Variants in RORC observed in about 807,000 individuals in gnomAD.
The protein encoded by RORC is RAR related orphan receptor C, also known as nuclear receptor ROR-gamma.
In RORC, 13 loss-of-function variants were observed where a neutral mutation model predicts 64.5. That is an observed-to-expected ratio of 0.20 (90% CI 0.13 to 0.32). RORC has a LOEUF of 0.32. Ranked by LOEUF, RORC falls within the 10% of genes least tolerant of loss-of-function variation. The pLI, the probability that RORC is intolerant of heterozygous loss-of-function variation, is 1.00. For synonymous variants in RORC, 277 were observed against 259.3 expected, an observed-to-expected ratio of 1.07 and a Z score of -0.65; for missense variants, 468 against 669.5, an observed-to-expected ratio of 0.70 and a Z score of 3.32.
rs534272562 is a variant in RORC at position 151,808,710 on chromosome 1, A to C, written c.1396-1077T>G. Among the ~76,000 whole-genome samples, 7 of 152,326 alleles carry C rather than the reference A, an allele frequency of 4.6e-5. No individual in the cohort carries two copies. The South Asian group carries it at 1.4e-3, about 32-fold the overall frequency. ...CAGATATATCAGTCAATAAAGTATA[A>C]TCTGTACCTTGATTAAATTTACATT... is the stretch of plus-strand genomic sequence containing the variant. On this transcript the variant is annotated intron_variant, in intron 10 of 10. Coordinates refer to ENST00000318247, the MANE Select transcript of RORC (RefSeq NM_005060.4).
intron 2 of RORC, among the ~76,000 whole-genome samples, chr1:151,826,866 C>T (rs1572047229): frequency 6.6e-6 from 1 of 152,162 alleles, no homozygotes; most frequent in Non-Finnish European, 1.5e-5. Flanking sequence ...GCCTGTAATC[C>T]CAGCACTTTG....
Position 151,815,325 on chromosome 1 carries a change from C to G in RORC, c.399G>C (p.Val133=). Residue 133 remains valine (V), a synonymous_variant, in exon 5 of 11, where the codon GTG becomes GTC. Transcript: ENST00000318247. The stretch of plus-strand genomic sequence containing the variant: ...GGGCCCCTGCTGGAGGGGTCTTGAC[C>G]ACTGGTTCCTGTTGCTGCTGTTGCC... ...QQRQQQQQEP[V]VKTPPAGAQG... is the part of the protein sequence containing the mutation. The G allele has an allele frequency of 6.2e-7, 1 of 1,602,858 alleles. No individual in the cohort carries two copies. Among genetic ancestry groups the G allele is most frequent in the African/African-American group, 1.3e-5 (1 of 74,586 alleles).
In RORC at chr1:151,807,677, C is replaced by A; in HGVS notation, c.1396-44G>T. The stretch of plus-strand genomic sequence containing the variant: ...GGAAGGGAGGGTCAATACTTCAGCT[C>A]TCCTCAGAGCAAAGAAGTCCGCTCA... On this transcript the variant is annotated intron_variant, in intron 10 of 10. Transcript: ENST00000318247. This position sits in a 1 kb window ranked among gnomAD's most constrained non-coding sequence, Gnocchi z 5.0. 6.2e-7 allele frequency: 1 copy of A among 1,600,010 alleles called. No homozygotes were observed. The highest frequency in any genetic ancestry group is 1.1e-5 in the South Asian group (1 of 89,910).
intron 3 of RORC, 114 bp from the exon 4 acceptor site, chr1:151,816,919 T>A (rs1182231403): frequency 1.7e-6 from 2 of 1,145,690 alleles, no homozygotes; most frequent in African/African-American, 1.6e-5. Context: ...GACCTGTCAG[T>A]TTTCTCTCTC....
chr1:151,829,051 G>T (rs914989860), intron 2 of RORC, among the ~76,000 whole-genome samples: 1 of 151,130 alleles, frequency 6.6e-6, no homozygotes, highest in Non-Finnish European at 1.5e-5. Context: ...CTGAGTTCCT[G>T]AGGCCACCCC....
chr1:151,809,533 G>C (rs1434544580), intron 10 of RORC, among the ~76,000 whole-genome samples: 1 of 152,294 alleles, frequency 6.6e-6, no homozygotes, highest in East Asian at 1.9e-4. Context: ...GATGAGGGTG[G>C]AACAGGGGCT....
intron 2 of RORC, among the ~76,000 whole-genome samples, chr1:151,824,356 C>G (rs1652109977): frequency 6.6e-6 from 1 of 152,176 alleles, no homozygotes; most frequent in Admixed American, 6.5e-5. Flanking sequence ...TCAGCCCCTC[C>G]TGGGGACTCC....
intron 2 of RORC, among the ~76,000 whole-genome samples, chr1:151,822,622 GC>G (rs1238270170): frequency 6.6e-6 from 1 of 152,192 alleles, no homozygotes; most frequent in African/African-American, 2.4e-5. Flanking sequence ...GGAAGCTCTG[GC>G]GAGTGGGAGC....
intron 2 of RORC, among the ~76,000 whole-genome samples, chr1:151,817,711 G>A (rs910124937): frequency 6.6e-6 from 1 of 152,260 alleles, no homozygotes; most frequent in Non-Finnish European, 1.5e-5. Flanking sequence ...GCTCCCATGG[G>A]CAAAGTGTAG....
At chr1:151,831,366 G>A (rs1002835673) in intron 1 of RORC, among the ~76,000 whole-genome samples, 2 of 152,102 alleles carry the variant, frequency 1.3e-5, no homozygotes, top group African/African-American at 4.8e-5. Context: ...GTGCCTCCTG[G>A]GGGGTAAGCC....
intron 10 of RORC, among the ~76,000 whole-genome samples, chr1:151,809,136 C>T (rs751366262): frequency 6.6e-6 from 1 of 152,082 alleles, no homozygotes; most frequent in Non-Finnish European, 1.5e-5. Context: ...TGGTGGTTCA[C>T]GCCTGTAATC....
intron 2 of RORC, chr1:151,825,891 T>C: frequency 6.2e-7 from 1 of 1,612,632 alleles, no homozygotes; most frequent in Non-Finnish European, 8.5e-7. Context: ...GACGACAGGG[T>C]CCAGGCTCCC....
chr1:151,827,131 A>T (rs1652225361), intron 2 of RORC, among the ~76,000 whole-genome samples: 1 of 152,230 alleles, frequency 6.6e-6, no homozygotes. Context: ...AAGAAAAAAT[A>T]AAAAAACTTT....
chr1:151,812,551 G>A (rs1651582927), intron 9 of RORC: 1 of 176,376 alleles, frequency 5.7e-6, no homozygotes, highest in African/African-American at 2.4e-5. Flanking sequence ...CCCATCATAA[G>A]TCATGGAGCA....
At chr1:151,822,120 C>A (rs1304239382) in intron 2 of RORC, among the ~76,000 whole-genome samples, 1 of 152,042 alleles carries the variant, frequency 6.6e-6, no homozygotes, top group Non-Finnish European at 1.5e-5. Flanking sequence ...AGCTTGAGCT[C>A]CTCCTCTCCC....
chr1:151,810,101 C>G (rs1408449114), intron 10 of RORC, among the ~76,000 whole-genome samples: 1 of 152,104 alleles, frequency 6.6e-6, no homozygotes, highest in Non-Finnish European at 1.5e-5. Flanking sequence ...CCTTATTTTT[C>G]TCCTGTTGTT....
intron 2 of RORC, among the ~76,000 whole-genome samples, chr1:151,823,617 G>A (rs1188132383): frequency 6.6e-6 from 1 of 152,052 alleles, no homozygotes; most frequent in Non-Finnish European, 1.5e-5. Context: ...TTCCAGCTCT[G>A]TTTCTGGGCT....
chr1:151,826,033 C>A, intron 2 of RORC: 2 of 1,595,946 alleles, frequency 1.3e-6, no homozygotes, highest in African/African-American at 1.3e-5. Context: ...CGGGGCGAGG[C>A]CCTCTCAGCA....
At chr1:151,822,876 A>G (rs968363769) in intron 2 of RORC, among the ~76,000 whole-genome samples, 6 of 152,228 alleles carry the variant, frequency 3.9e-5, no homozygotes, top group Non-Finnish European at 7.3e-5. Flanking sequence ...AGGACTAGCT[A>G]TATGGGAACA....
Sources: allele counts gnomAD v4.1 joint callset (sites outside exome capture counted in the v4.1 genomes callset), GRCh38; gene constraint gnomAD v4.1.1; non-coding constraint Gnocchi (gnomAD v3.1); transcripts MANE v1.5; gene names NCBI Gene and HGNC (gene_info 2026-07-23, HGNC 2026-07-21).